Variants in CTNNA2 observed in about 807,000 individuals in gnomAD.
CTNNA2 encodes the protein catenin alpha 2.
CTNNA2 carries 42 observed loss-of-function variants against 101.0 expected under a neutral mutation model. The ratio of observed to expected loss-of-function variants is 0.42; its 90% CI spans 0.32 to 0.54. The LOEUF is 0.54. CTNNA2 is among the 20% of genes least tolerant of loss of function. The probability of loss-of-function intolerance (pLI) is 0.14; values close to 1 mark genes in which losing one functional copy is unlikely to be tolerated. For synonymous variants in CTNNA2, 450 were observed against 456.4 expected, an observed-to-expected ratio of 0.99 and a Z score of 0.18; for missense variants, 871 against 1,223.1, an observed-to-expected ratio of 0.71 and a Z score of 4.29.
At chr2:79,869,791 A>C (rs1480199886) in intron 4 of CTNNA2, 25 bp from the exon 5 acceptor site, 1 of 1,604,150 alleles carries the variant, frequency 6.2e-7, no homozygotes, top group South Asian at 1.1e-5. Flanking sequence ...TCCACTAATA[A>C]ATATGTTGTT....
intron 1 of CTNNA2, chr2:79,523,068 T>C (rs1421529557): frequency 1.2e-5 from 3 of 243,138 alleles, no homozygotes; most frequent in Non-Finnish European, 1.7e-5. Flanking sequence ...ATCATAGGTA[T>C]ATATAAATTT....
chr2:80,083,630 A>G (rs1699275256), intron 7 of CTNNA2, among the ~76,000 whole-genome samples: 1 of 152,148 alleles, frequency 6.6e-6, no homozygotes, highest in Middle Eastern at 3.2e-3. Flanking sequence ...GTTCTTGAAG[A>G]GTCATTTTTG....
intron 7 of CTNNA2, among the ~76,000 whole-genome samples, chr2:80,240,412 A>T (rs1194562234): frequency 3.9e-5 from 6 of 152,168 alleles, no homozygotes; most frequent in Non-Finnish European, 5.9e-5. Context: ...TTCCACGGAA[A>T]TTGCTTGCTA....
At chr2:80,224,382 C>T (rs1249230489) in intron 7 of CTNNA2, among the ~76,000 whole-genome samples, 1 of 152,140 alleles carries the variant, frequency 6.6e-6, no homozygotes, top group African/African-American at 2.4e-5. Context: ...TATCTCTTTG[C>T]CAGGTTTTCA....
chr2:79,770,587 T>A (rs1673502240), intron 3 of CTNNA2, among the ~76,000 whole-genome samples: 1 of 152,196 alleles, frequency 6.6e-6, no homozygotes, highest in Non-Finnish European at 1.5e-5. Context: ...AGCTTCATGT[T>A]ATTAAGGCAA....
At chr2:79,925,987 C>T (rs897439072) in intron 7 of CTNNA2, among the ~76,000 whole-genome samples, 5 of 151,800 alleles carry the variant, frequency 3.3e-5, no homozygotes, top group Non-Finnish European at 5.9e-5. Flanking sequence ...CTGAAGATTA[C>T]GATAGAATAG....
intron 7 of CTNNA2, among the ~76,000 whole-genome samples, chr2:80,186,146 T>G (rs527301207): frequency 1.3e-4 from 20 of 152,272 alleles, no homozygotes; most frequent in African/African-American, 4.6e-4. Context: ...GCCACCAGTA[T>G]CCATCATTAT....
intron 4 of CTNNA2, among the ~76,000 whole-genome samples, chr2:79,433,770 C>T (rs115685824): frequency 4.6e-5 from 7 of 151,638 alleles, no homozygotes; most frequent in African/African-American, 1.5e-4. Flanking sequence ...CAAGAGACAA[C>T]GGGAAAGAAA....
intron 7 of CTNNA2, among the ~76,000 whole-genome samples, chr2:79,927,181 A>G (rs1687077655): frequency 6.6e-6 from 1 of 152,204 alleles, no homozygotes; most frequent in Admixed American, 6.5e-5. Flanking sequence ...TAAGTTGCAG[A>G]GGGATAGGAT....
At chr2:79,564,501 G>T (rs1204798535) in intron 1 of CTNNA2, among the ~76,000 whole-genome samples, 2 of 152,002 alleles carry the variant, frequency 1.3e-5, no homozygotes, top group Admixed American at 6.6e-5. Context: ...GAAGATGATT[G>T]AATTTTCTTT....
intron 7 of CTNNA2, among the ~76,000 whole-genome samples, chr2:79,940,426 T>A (rs570273065): frequency 1.6e-4 from 24 of 152,352 alleles, no homozygotes; most frequent in Middle Eastern, 3.4e-3. Flanking sequence ...TCTTTGGCAT[T>A]ATTTTTTGCT....
intron 3 of CTNNA2, among the ~76,000 whole-genome samples, chr2:79,355,698 C>T (rs565925545): frequency 1.1e-4 from 17 of 152,268 alleles, no homozygotes; most frequent in African/African-American, 2.2e-4. Flanking sequence ...TCATAGAATA[C>T]GTATCCTTTT....
At chr2:80,429,488 A>G (rs1681291408) in intron 9 of CTNNA2, among the ~76,000 whole-genome samples, 1 of 152,174 alleles carries the variant, frequency 6.6e-6, no homozygotes, top group Non-Finnish European at 1.5e-5. Flanking sequence ...CTCTTATTCA[A>G]GGTATCTGTA....
chr2:80,485,603 G>A (rs1309119076), intron 9 of CTNNA2, among the ~76,000 whole-genome samples: 2 of 152,152 alleles, frequency 1.3e-5, no homozygotes, highest in African/African-American at 4.8e-5. Context: ...ATGTGTTTCA[G>A]TAGAACAAGA....
intron 7 of CTNNA2, among the ~76,000 whole-genome samples, chr2:80,186,100 A>C (rs2148989257): frequency 6.6e-6 from 1 of 152,136 alleles, no homozygotes; most frequent in East Asian, 1.9e-4. Flanking sequence ...CCTTAGTCCA[A>C]CCCCACCCCA....
chr2:79,848,913 C>T (rs978971620), intron 3 of CTNNA2, among the ~76,000 whole-genome samples: 5 of 152,098 alleles, frequency 3.3e-5, no homozygotes, highest in African/African-American at 1.2e-4. Flanking sequence ...ATTGGCCTCA[C>T]AGCAACAATG....
At chr2:79,651,075 T>C (rs1029982423) in intron 1 of CTNNA2, among the ~76,000 whole-genome samples, 1 of 152,092 alleles carries the variant, frequency 6.6e-6, no homozygotes, top group African/African-American at 2.4e-5. Context: ...GGTGGGACTG[T>C]AAACTAGTTC....
chr2:79,195,703 C>T, intron 1 of CTNNA2: 2 of 413,710 alleles, frequency 4.8e-6, no homozygotes, highest in South Asian at 3.6e-5. Flanking sequence ...CCATCCACTA[C>T]TTCTGACACA....
chr2:79,433,997 A>G (rs892046742), intron 4 of CTNNA2, among the ~76,000 whole-genome samples: 1 of 152,166 alleles, frequency 6.6e-6, no homozygotes, highest in African/African-American at 2.4e-5. Context: ...TCTTAAAAGA[A>G]TAAGAGAGGT....
Sources: gnomAD v4.1 joint callset for allele counts (sites outside exome capture counted in the v4.1 genomes callset) on GRCh38, gnomAD v4.1.1 for gene constraint, MANE v1.5 for transcripts, NCBI Gene and HGNC (gene_info 2026-07-23, HGNC 2026-07-21) for gene names.